IQSEC1: variants seen among roughly 807,000 people sequenced by gnomAD.
IQSEC1 encodes the protein IQ motif and Sec7 domain ArfGEF 1.
IQSEC1 carries 31 observed loss-of-function variants against 91.0 expected under a neutral mutation model. That is an observed-to-expected ratio of 0.34 (90% CI 0.26 to 0.46). The LOEUF (loss-of-function observed/expected upper bound fraction) is 0.46. Among genes scored for constraint, IQSEC1 ranks in the 20% least tolerant of loss-of-function variants. IQSEC1 has a pLI of 1.00. For synonymous variants in IQSEC1, 699 were observed against 662.6 expected (o/e 1.05, Z -0.84); for missense variants, 1,388 against 1,575.6 (o/e 0.88, Z 2.02).
rs545707866 is a variant in IQSEC1, at chr3:13,043,705, C to T, written c.23+29287G>A. Among the ~76,000 whole-genome samples, 105 of 152,366 alleles carry T rather than the reference C, an allele frequency of 6.9e-4. 1 individual carries two copies. The highest frequency in any genetic ancestry group is 2.1e-3 in the South Asian group (10 of 4,830). On this transcript the variant is annotated intron_variant, in intron 1 of 13. Transcript: ENST00000613206. ...GCAGGGGCCACATCTCTTTTAAGGG[C>T]CGGCCCACTGGAGGAGCCTCGATAA...
intron 2 of IQSEC1, among the ~76,000 whole-genome samples, chr3:13,141,022 G>A (rs528083935): frequency 2.6e-5 from 4 of 152,362 alleles, no homozygotes; most frequent in South Asian, 2.1e-4. Context: ...GCACCACGAC[G>A]AAGGGCACTG....
intron 1 of IQSEC1, among the ~76,000 whole-genome samples, chr3:12,942,325 G>A (rs962305845): frequency 3.3e-5 from 5 of 152,176 alleles, no homozygotes; most frequent in South Asian, 2.1e-4. Flanking sequence ...AAAAAAGGCC[G>A]GGCGCGGTGG....
chr3:13,004,853 A>G (rs1437613422), intron 1 of IQSEC1, among the ~76,000 whole-genome samples: 4 of 151,950 alleles, frequency 2.6e-5, no homozygotes, highest in Non-Finnish European at 4.4e-5. Context: ...GGTAGCCTCC[A>G]CCTCCACCAG....
chr3:13,078,190 G>A (rs1705592935), upstream of IQSEC1, among the ~76,000 whole-genome samples: 1 of 152,150 alleles, frequency 6.6e-6, no homozygotes, highest in East Asian at 1.9e-4. Flanking sequence ...TGCTCCCCTG[G>A]GGAGAGAACC....
At chr3:13,252,308 T>C (rs1355423098) in intron 1 of IQSEC1, among the ~76,000 whole-genome samples, 4 of 152,216 alleles carry the variant, frequency 2.6e-5, no homozygotes, top group East Asian at 3.8e-4. Context: ...TGCCCTTTTG[T>C]GAGCAGCTCA....
chr3:13,185,666 T>C (rs1693918808), intron 1 of IQSEC1, among the ~76,000 whole-genome samples: 1 of 152,170 alleles, frequency 6.6e-6, no homozygotes, highest in African/African-American at 2.4e-5. Flanking sequence ...CTAGAAGGAC[T>C]ATGGGGAACC....
chr3:12,897,180 C>G lies in IQSEC1; in HGVS notation c.*3803G>C, dbSNP rs1359766738. 1 of 152,256 alleles carries G rather than the reference C, an allele frequency of 6.6e-6. No homozygotes were observed. The highest frequency in any genetic ancestry group is 1.5e-5 in the Non-Finnish European group (1 of 68,044). 9.4% of individuals were successfully genotyped at this position (152,256 alleles called of 1,614,324 possible). ...CAGCTGGAGATCTGGGTCTGGCCAA[C>G]AGGGCAACTTCTGGACTTTTCAGAA... is the stretch of plus-strand genomic sequence containing the variant. On this transcript the variant is annotated 3_prime_UTR_variant, in exon 14 of 14. Transcript: ENST00000613206.
intron 1 of IQSEC1, among the ~76,000 whole-genome samples, chr3:13,236,941 A>G (rs1694940616): frequency 6.6e-6 from 1 of 152,154 alleles, no homozygotes; most frequent in African/African-American, 2.4e-5. Context: ...TGCTTGTCTG[A>G]GGCCGAGGGC....
chr3:13,034,799 G>A lies in IQSEC1; in HGVS notation c.23+38193C>T, dbSNP rs574033249. Among the ~76,000 whole-genome samples, 16 of 152,292 alleles carry A rather than the reference G, an allele frequency of 1.1e-4. No individual in the cohort carries two copies. In the South Asian group the frequency reaches 3.3e-3, roughly 32 times the overall value. ...GTATTTCTCACCTGCACCGGCTCCT[G>A]AATCTCACCAGCCCAACAGAAGTGT... is the stretch of plus-strand genomic sequence containing the variant. On this transcript the variant is annotated intron_variant, in intron 1 of 13. Transcript: ENST00000613206.
chr3:12,946,300 A>G (rs946091137), intron 1 of IQSEC1, among the ~76,000 whole-genome samples: 7 of 152,170 alleles, frequency 4.6e-5, no homozygotes, highest in African/African-American at 1.7e-4. Flanking sequence ...ACTGGTGAAC[A>G]CACCAGTGTG....
intron 2 of IQSEC1, among the ~76,000 whole-genome samples, chr3:13,107,293 C>T (rs1196385383): frequency 2.0e-5 from 3 of 152,230 alleles, no homozygotes; most frequent in Admixed American, 1.3e-4. Context: ...TACTTACAAG[C>T]TTTGAGGTCT....
At chr3:12,945,016 GGTGA>G (rs1194925392) in intron 1 of IQSEC1, among the ~76,000 whole-genome samples, 6 of 152,210 alleles carry the variant, frequency 3.9e-5, no homozygotes, top group African/African-American at 1.2e-4. Flanking sequence ...GATGGTTGGG[GGTGA>G]GTGAGGGCCC....
intron 5 of IQSEC1, among the ~76,000 whole-genome samples, chr3:12,921,519 G>C (rs568285002): frequency 6.6e-6 from 1 of 152,368 alleles, no homozygotes; most frequent in South Asian, 2.1e-4. Context: ...GTTGTGTCAG[G>C]AACTGGGCTA....
chr3:13,244,784 C>G (rs949082397), intron 1 of IQSEC1, among the ~76,000 whole-genome samples: 1 of 152,104 alleles, frequency 6.6e-6, no homozygotes, highest in African/African-American at 2.4e-5. Flanking sequence ...GACCTGCCAG[C>G]CATTGACCAC....
At chr3:13,078,502 TG>T (rs929996454) in intron 2 of IQSEC1, among the ~76,000 whole-genome samples, 2 of 151,828 alleles carry the variant, frequency 1.3e-5, no homozygotes, top group Admixed American at 6.6e-5. Context: ...CAGTGTAGCC[TG>T]GGGGGGAAGG....
chr3:13,167,945 T>C (rs1158983628), intron 1 of IQSEC1, among the ~76,000 whole-genome samples: 1 of 151,986 alleles, frequency 6.6e-6, no homozygotes. Flanking sequence ...AGCAGCAGGG[T>C]GGAGAAATGA....
intron 2 of IQSEC1, among the ~76,000 whole-genome samples, chr3:13,139,284 T>C (rs1706761131): frequency 1.3e-5 from 2 of 152,336 alleles, no homozygotes; most frequent in South Asian, 4.1e-4. Context: ...ATTTTGACAC[T>C]TGCATTGCTT....
chr3:13,257,686 G>C (rs558864659), intron 1 of IQSEC1, among the ~76,000 whole-genome samples: 1 of 152,172 alleles, frequency 6.6e-6, no homozygotes, highest in Non-Finnish European at 1.5e-5. Context: ...CTCTGAACCC[G>C]GAGCCCCTTA....
At chr3:13,123,651 CCT>C (rs1177613374) in intron 2 of IQSEC1, among the ~76,000 whole-genome samples, 1 of 152,244 alleles carries the variant, frequency 6.6e-6, no homozygotes, top group Non-Finnish European at 1.5e-5. Flanking sequence ...TCTGCAGACC[CCT>C]GAGTTTGCAC....
Sources: gnomAD v4.1 joint callset for allele counts (sites outside exome capture counted in the v4.1 genomes callset) on GRCh38, gnomAD v4.1.1 for gene constraint, MANE v1.5 for transcripts, NCBI Gene and HGNC (gene_info 2026-07-23, HGNC 2026-07-21) for gene names.